Variants in SELENON observed in about 807,000 individuals in gnomAD.
SELENON encodes the protein selenoprotein N.
In SELENON, 44 loss-of-function variants were observed where a neutral mutation model predicts 59.5. That is an observed-to-expected ratio of 0.74 (90% CI 0.58 to 0.95). The LOEUF (loss-of-function observed/expected upper bound fraction) is 0.95, where lower values mean the gene tolerates loss of function less well. Ranked by LOEUF, SELENON falls within the 40% of genes least tolerant of loss-of-function variation. The probability of loss-of-function intolerance (pLI) is 0.00; values close to 1 mark genes in which losing one functional copy is unlikely to be tolerated. For missense variants in SELENON, 674 were observed against 721.4 expected, an observed-to-expected ratio of 0.93 and a Z score of 0.75; for synonymous variants, 320 against 305.6, an observed-to-expected ratio of 1.05 and a Z score of -0.49.
chr1:25,804,905 T>G (rs2047892498), intron 3 of SELENON, among the ~76,000 whole-genome samples: 1 of 152,124 alleles, frequency 6.6e-6, no homozygotes, highest in Non-Finnish European at 1.5e-5. Context: ...GGAAGTGACT[T>G]TACCTCTCTG....
rs144936983 is a variant in SELENON, at chr1:25,815,132, G to A, written c.1603-416G>A. Among the ~76,000 whole-genome samples, 187 of 152,234 alleles carry A rather than the reference G, an allele frequency of 1.2e-3. 1 individual carries two copies. Among genetic ancestry groups the A allele is most frequent in the African/African-American group, 4.0e-3 (167 of 41,530 alleles). Reference sequence around the variant, plus strand: ...GGCACAAAGATAAAGACACAGCCCCGTGCTGAAGGAGCTCAGTCTCTGGAG... The same window carrying A: ...GGCACAAAGATAAAGACACAGCCCCATGCTGAAGGAGCTCAGTCTCTGGAG... On this transcript the variant is annotated intron_variant, in intron 12 of 12. Coordinates refer to ENST00000361547, the MANE Select transcript of SELENON (RefSeq NM_020451.3).
At chr1:25,811,613 T>C in intron 8 of SELENON, 78 bp downstream of exon 7, 2 of 1,602,878 alleles carry the variant, frequency 1.2e-6, no homozygotes, top group Non-Finnish European at 8.5e-7. Flanking sequence ...GTGGAGCATT[T>C]TGGAGGGTCT....
At position 25,800,455 on chromosome 1, in the gene SELENON, G is replaced by C. The variant is rs766826866; in HGVS notation, c.183+42G>C. 751 of 1,049,892 alleles carry C rather than the reference G, an allele frequency of 7.2e-4. 2 individuals are homozygous for C. The highest frequency in any genetic ancestry group is 8.4e-4 in the Non-Finnish European group (721 of 857,582). 65.0% of individuals were successfully genotyped at this position (1,049,892 alleles called of 1,614,324 possible). A position where few individuals can be genotyped will look rare whatever the true frequency, so the allele number is the denominator to read the frequency against. On this transcript the variant is annotated intron_variant, in intron 1 of 12. Transcript: ENST00000361547. Reference sequence around the variant, plus strand: ...GCTGGGGCGGGAGCGCGGGAGCGGGGACTGAAGGACCCAGCCTCGGCAGCA... The same window carrying C: ...GCTGGGGCGGGAGCGCGGGAGCGGGCACTGAAGGACCCAGCCTCGGCAGCA...
intron 4 of SELENON, 107 bp from the exon 4 acceptor site, chr1:25,808,473 T>G (rs755755419): frequency 8.3e-6 from 11 of 1,325,444 alleles, no homozygotes; most frequent in Non-Finnish European, 1.2e-5. Context: ...ATCTGCTCCC[T>G]TGGTGTGGGC....
Position 25,814,172 on chromosome 1 carries a change from C to T in SELENON, c.1596C>T (p.Gly532=), listed in dbSNP as rs149623434. The T allele has an allele frequency of 1.9e-4, 311 of 1,613,696 alleles. 1 individual carries two copies. The African/African-American group carries it at 2.9e-3, about 15-fold the overall frequency. Residue 532 remains glycine (G), a synonymous_variant, in exon 12 of 13, where the codon GGC becomes GGT. Transcript: ENST00000361547. ...AGATGATGATCTGCCTGCCCAATGGCACCGTGGTAGGCACCCCCACTCAGA... is the reference window on the plus strand; with the variant it reads ...AGATGATGATCTGCCTGCCCAATGGTACCGTGGTAGGCACCCCCACTCAGA...
rs1316391933 is a variant in SELENON, at chr1:25,809,747, T to C, written c.937T>C (p.Phe313Leu). 1 of 1,613,956 alleles carries C rather than the reference T, an allele frequency of 6.2e-7. No individual in the cohort carries two copies. The highest frequency in any genetic ancestry group is 1.3e-5 in the African/African-American group (1 of 74,910). ...CCCCTTTTGGTTCTCCCCTGCTCAG[T>C]TCACCGGCCACATCATCCTCTCCAA... The change falls in exon 7 of 13, where the codon TTC (phenylalanine) becomes CTC (leucine). Residue 313 changes from phenylalanine to leucine, a missense_variant. Transcript: ENST00000361547.
At chr1:25,812,440 AACAC>A (rs1021992402) in intron 9 of SELENON, among the ~76,000 whole-genome samples, 5 of 146,668 alleles carry the variant, frequency 3.4e-5, no homozygotes, top group African/African-American at 1.3e-4. Flanking sequence ...CACACATACA[AACAC>A]ACACACTAAC....
rs989263504 is a variant in SELENON, at chr1:25,807,092, C to T, written c.538-1488C>T. ...CTGCCTCGGCCTCCCGAATTATAGG[C>T]GTACAGGGATTATAGGGATTACAGG... On this transcript the variant is annotated intron_variant, in intron 4 of 12. Coordinates refer to ENST00000361547, the MANE Select transcript of SELENON (RefSeq NM_020451.3). This position sits in a 1 kb window ranked among gnomAD's most constrained non-coding sequence, Gnocchi z 4.5. Among the ~76,000 whole-genome samples, 5 of 151,806 alleles carry T rather than the reference C, an allele frequency of 3.3e-5. No homozygotes were observed. The highest frequency in any genetic ancestry group is 1.3e-4 in the Admixed American group (2 of 15,240).
chr1:25,816,255 T>C lies in SELENON; in HGVS notation c.*537T>C. 1 of 155,354 alleles carries C rather than the reference T, an allele frequency of 6.4e-6. No homozygotes were observed. The highest frequency in any genetic ancestry group is 6.2e-5 in the Admixed American group (1 of 16,016). 9.6% of individuals were successfully genotyped at this position (155,354 alleles called of 1,614,324 possible). On this transcript the variant is annotated 3_prime_UTR_variant, in exon 13 of 13. Transcript: ENST00000361547. ...CTGTGCCTGATGTCCCCAGCTGGGGTCAGTCTCAACAGGAGCCAGTCTTCT... is the reference window on the plus strand; with the variant it reads ...CTGTGCCTGATGTCCCCAGCTGGGGCCAGTCTCAACAGGAGCCAGTCTTCT...
rs1388281164 is a variant in SELENON at position 25,814,127 on chromosome 1, G to C, written c.1551G>C (p.Glu517Asp). ...AGAAGCTGGCTGGCCTGCACCTGGAGAAGTACAGCTTCCCCGTGGAGATGA... is the reference window on the plus strand; with the variant it reads ...AGAAGCTGGCTGGCCTGCACCTGGACAAGTACAGCTTCCCCGTGGAGATGA... Residue 517 changes from glutamate to aspartate, a missense_variant, in exon 12 of 13, where the codon GAG becomes GAC. By Grantham distance (45) the Glu-to-Asp change is conservative. Coordinates refer to ENST00000361547, the MANE Select transcript of SELENON (RefSeq NM_020451.3). 1 of 1,614,216 alleles carries C rather than the reference G, an allele frequency of 6.2e-7. No individual in the cohort carries two copies. The highest frequency in any genetic ancestry group is 8.5e-7 in the Non-Finnish European group (1 of 1,180,026).
At chr1:25,812,963 G>A (rs1189393497) in intron 10 of SELENON, among the ~76,000 whole-genome samples, 171 bp downstream of exon 9, 1 of 152,164 alleles carries the variant, frequency 6.6e-6, no homozygotes, top group Non-Finnish European at 1.5e-5. Context: ...GAGCCCAGAG[G>A]GAGCTACCAG....
intron 1 of SELENON, 126 bp from the exon 2 acceptor site, chr1:25,800,917 C>T (rs1030919821): frequency 4.9e-6 from 4 of 815,456 alleles, no homozygotes; most frequent in Admixed American, 1.7e-5. Context: ...ACAGATGGAC[C>T]GGGAGGCACT....
chr1:25,810,469 G>A (rs894184972), intron 7 of SELENON, among the ~76,000 whole-genome samples: 35 of 152,264 alleles, frequency 2.3e-4, no homozygotes, highest in African/African-American at 8.4e-4. Context: ...CACCGAGTGG[G>A]CCTGAGTGAC....
chr1:25,808,835 A>G (rs1481249242), intron 5 of SELENON, 46 bp downstream of exon 4: 3 of 1,606,184 alleles, frequency 1.9e-6, no homozygotes, highest in Middle Eastern at 1.6e-4. Context: ...GCCCGAGCCC[A>G]GGAGTGGCCA....
At chr1:25,808,075 T>C (rs1290567752) in intron 4 of SELENON, among the ~76,000 whole-genome samples, 1 of 152,130 alleles carries the variant, frequency 6.6e-6, no homozygotes, top group Non-Finnish European at 1.5e-5. Context: ...ACCGAAACCC[T>C]GAGCTGGCCA....
chr1:25,812,462 T>TAC (rs201582677), intron 9 of SELENON, among the ~76,000 whole-genome samples: 2 of 146,848 alleles, frequency 1.4e-5, no homozygotes, highest in African/African-American at 5.5e-5. Context: ...AACATATATA[T>TAC]ACACACACAC....
chr1:25,814,762 C>A (rs755076696), intron 12 of SELENON, among the ~76,000 whole-genome samples: 1 of 152,204 alleles, frequency 6.6e-6, no homozygotes, highest in African/African-American at 2.4e-5. Context: ...AGCCTCAGAT[C>A]TCCAGCTCTT....
chr1:25,808,597 G>T lies in SELENON; in HGVS notation c.555G>T (p.Leu185=). 6 of 1,613,684 alleles carry T rather than the reference G, an allele frequency of 3.7e-6. No individual in the cohort carries two copies. Among genetic ancestry groups the T allele is most frequent in the Non-Finnish European group, 5.1e-6 (6 of 1,179,894 alleles). Residue 185 remains leucine (L), a synonymous_variant, in exon 5 of 13, where the codon CTG becomes CTT. Transcript: ENST00000361547. ...CGCCCCAGGTCTCCCGCCTCGCCCTGTCCGGCCTCCGAAACTGGACAGCCG... is the reference window on the plus strand; with the variant it reads ...CGCCCCAGGTCTCCCGCCTCGCCCTTTCCGGCCTCCGAAACTGGACAGCCG...
rs762382665 is a variant in SELENON, at chr1:25,805,193, G to T, written c.455G>T (p.Ser152Ile). The T allele has an allele frequency of 5.0e-6, 8 of 1,614,134 alleles. No individual in the cohort carries two copies. Among genetic ancestry groups the T allele is most frequent in the Middle Eastern group, 1.7e-4 (1 of 6,058 alleles). The change falls in exon 4 of 13, where the codon AGC (serine) becomes ATC (isoleucine). Residue 152 changes from serine to isoleucine, a missense_variant. By Grantham distance (142) the Ser-to-Ile change is moderately radical. Coordinates refer to ENST00000361547, the MANE Select transcript of SELENON (RefSeq NM_020451.3). ...GAGGAGGAGTTGCCCCCTGACCCTAGCGAGGAGACGCTCACCATAGAAGCC... is the reference window on the plus strand; with the variant it reads ...GAGGAGGAGTTGCCCCCTGACCCTATCGAGGAGACGCTCACCATAGAAGCC...
Sources: allele counts gnomAD v4.1 joint callset (sites outside exome capture counted in the v4.1 genomes callset), GRCh38; gene constraint gnomAD v4.1.1; non-coding constraint Gnocchi (gnomAD v3.1); transcripts MANE v1.5; gene names NCBI Gene and HGNC (gene_info 2026-07-23, HGNC 2026-07-21).